PCDHGA6: variants seen among roughly 807,000 people sequenced by gnomAD.
PCDHGA6 encodes the protein protocadherin gamma subfamily A, 6.
Under a neutral mutation model 60.6 loss-of-function variants are expected in PCDHGA6, and 41 were observed. The ratio of observed to expected loss-of-function variants is 0.68; its 90% CI spans 0.53 to 0.88. The LOEUF (loss-of-function observed/expected upper bound fraction) is 0.88, where lower values mean the gene tolerates loss of function less well. Among genes scored for constraint, PCDHGA6 ranks in the 40% least tolerant of loss-of-function variants. The pLI is 0.00. For synonymous variants in PCDHGA6, 594 were observed against 524.4 expected, an observed-to-expected ratio of 1.13 and a Z score of -1.81; for missense variants, 1,312 against 1,203.0, an observed-to-expected ratio of 1.09 and a Z score of -1.34.
At chr5:141,410,698 C>G in intron 1 of PCDHGA6, 1 of 1,482,836 alleles carries the variant, frequency 6.7e-7, no homozygotes, top group Non-Finnish European at 9.0e-7. Context: ...ACTTTATTTT[C>G]ATATCTAGAA....
At chr5:141,392,791 G>C in intron 1 of PCDHGA6, 6 of 1,557,838 alleles carry the variant, frequency 3.9e-6, no homozygotes, top group Admixed American at 2.0e-5. Context: ...AAGATTCTGA[G>C]AGGATTCTGC....
rs925034052 is a variant in PCDHGA6, at chr5:141,486,630, T to G, written c.2425-8177T>G. 2 of 1,613,690 alleles carry G rather than the reference T, an allele frequency of 1.2e-6. No individual in the cohort carries two copies. Among genetic ancestry groups the G allele is most frequent in the Non-Finnish European group, 1.7e-6 (2 of 1,180,028 alleles). ...GCAGCCTCTGACCCAGACTCTGGCTTGAATGCGCTTATCTCCTACTCACTC... is the reference window on the plus strand; with the variant it reads ...GCAGCCTCTGACCCAGACTCTGGCTGGAATGCGCTTATCTCCTACTCACTC... On this transcript the variant is annotated intron_variant, in intron 1 of 3. Coordinates refer to ENST00000517434, the MANE Select transcript of PCDHGA6 (RefSeq NM_018919.3). This position sits in a 1 kb window ranked among gnomAD's most constrained non-coding sequence, Gnocchi z 5.0.
intron 1 of PCDHGA6, among the ~76,000 whole-genome samples, chr5:141,453,574 G>T (rs1285296493): frequency 6.6e-6 from 1 of 152,084 alleles, no homozygotes; most frequent in Non-Finnish European, 1.5e-5. Context: ...TCATTAGTTT[G>T]TGGTTTATCC....
chr5:141,485,380 G>A lies in PCDHGA6; in HGVS notation c.2425-9427G>A. The A allele has an allele frequency of 1.9e-6, 3 of 1,614,146 alleles. No individual in the cohort carries two copies. The highest frequency in any genetic ancestry group is 2.5e-6 in the Non-Finnish European group (3 of 1,180,032). On this transcript the variant is annotated intron_variant, in intron 1 of 3. Coordinates refer to ENST00000517434, the MANE Select transcript of PCDHGA6 (RefSeq NM_018919.3). This position sits in a 1 kb window ranked among gnomAD's most constrained non-coding sequence, Gnocchi z 5.7. ...CTCGCAGGCTGCAGGTCGCTGGAGA[G>A]GTGAACCAAAGACACTTCCGTGTGG... is the stretch of plus-strand genomic sequence containing the variant.
intron 1 of PCDHGA6, chr5:141,478,628 T>G (rs1245431927): frequency 6.4e-7 from 1 of 1,553,704 alleles, no homozygotes; most frequent in African/African-American, 1.4e-5. Context: ...GAGCTGTTTT[T>G]TTAGTGATGA....
intron 1 of PCDHGA6, chr5:141,420,969 A>G (rs2096536141): frequency 2.3e-6 from 1 of 443,064 alleles, no homozygotes; most frequent in Admixed American, 4.0e-5. Flanking sequence ...TTGCAATAAT[A>G]AGAATGGGCT....
At chr5:141,413,177 T>G (rs2095610843) in intron 1 of PCDHGA6, 4 of 1,602,350 alleles carry the variant, frequency 2.5e-6, no homozygotes, top group Non-Finnish European at 3.4e-6. Flanking sequence ...CAGACTACAA[T>G]GGCCGCTCAA....
chr5:141,403,083 T>C lies in PCDHGA6; in HGVS notation c.2424+26576T>C, dbSNP rs775664314. 7 of 1,613,932 alleles carry C rather than the reference T, an allele frequency of 4.3e-6. No individual in the cohort carries two copies. The highest frequency in any genetic ancestry group is 2.7e-5 in the African/African-American group (2 of 74,948). ...CCTGAAGAGACAGAAAAGGGCTATATTGTGGGCAACATCTCCAAGGACCTG... is the reference window on the plus strand; with the variant it reads ...CCTGAAGAGACAGAAAAGGGCTATACTGTGGGCAACATCTCCAAGGACCTG... On this transcript the variant is annotated intron_variant, in intron 1 of 3. Transcript: ENST00000517434.
In PCDHGA6 at chr5:141,489,126, T is replaced by C; in HGVS notation, c.2425-5681T>C. ...TGCAAGCAGGCAAACCTCCGAGCAG[T>C]TTTTAAGAGGCTGGAAGGAGACATA... On this transcript the variant is annotated intron_variant, in intron 1 of 3. Coordinates refer to ENST00000517434, the MANE Select transcript of PCDHGA6 (RefSeq NM_018919.3). This position sits in a 1 kb window ranked among gnomAD's most constrained non-coding sequence, Gnocchi z 4.5. 1.7e-6 allele frequency: 1 copy of C among 585,136 alleles called. No individual in the cohort carries two copies. Among genetic ancestry groups the C allele is most frequent in the South Asian group, 3.2e-5 (1 of 31,406 alleles). The allele number at this position is 585,136 out of a possible 1,614,324, so 36.2% of individuals were successfully genotyped here. A position where few individuals can be genotyped will look rare whatever the true frequency, so the allele number is the denominator to read the frequency against.
chr5:141,441,800 G>T, intron 1 of PCDHGA6: 1 of 382,594 alleles, frequency 2.6e-6, no homozygotes, highest in Non-Finnish European at 5.2e-6. Flanking sequence ...ACGCACCGCG[G>T]GTGCTGTACC....
At chr5:141,421,119 C>T (rs542039688) in intron 1 of PCDHGA6, 1 of 772,768 alleles carries the variant, frequency 1.3e-6, no homozygotes, top group Non-Finnish European at 2.0e-6. Flanking sequence ...TATTTTCCTT[C>T]GCTTTCTGAT....
intron 1 of PCDHGA6, chr5:141,428,251 T>C (rs761574102): frequency 1.1e-5 from 10 of 893,496 alleles, no homozygotes; most frequent in Middle Eastern, 2.1e-4. Flanking sequence ...ACTGCCAGAC[T>C]TCAGTGACAG....
chr5:141,456,633 C>CT (rs1229637837), intron 1 of PCDHGA6, among the ~76,000 whole-genome samples: 1 of 152,182 alleles, frequency 6.6e-6, no homozygotes, highest in Non-Finnish European at 1.5e-5. Context: ...CTCTTCTTTA[C>CT]TACAGGTGTT....
In PCDHGA6 at chr5:141,510,834, G is replaced by A. The variant is rs1043468083; in HGVS notation, c.2573-113G>A. 49 of 1,581,762 alleles carry A rather than the reference G, an allele frequency of 3.1e-5. 1 individual carries two copies. The highest frequency in any genetic ancestry group is 4.0e-5 in the Non-Finnish European group (46 of 1,161,670). On this transcript the variant is annotated intron_variant, in intron 3 of 3. Coordinates refer to ENST00000517434, the MANE Select transcript of PCDHGA6 (RefSeq NM_018919.3). ...GACCCCTATATTCCCAGTGCTCAGC[G>A]TGGTCAAGGCCCAGGGTGCTGTATA...
chr5:141,421,572 G>T, intron 1 of PCDHGA6: 1 of 1,613,954 alleles, frequency 6.2e-7, no homozygotes, highest in Admixed American at 1.7e-5. Flanking sequence ...AAGACACCTT[G>T]AAGATTTACG....
chr5:141,500,186 T>A (rs1008615587), intron 2 of PCDHGA6, among the ~76,000 whole-genome samples: 7 of 99,362 alleles, frequency 7.0e-5, no homozygotes, highest in African/African-American at 3.5e-4. Flanking sequence ...ATTTTTATTT[T>A]TATTTATTTA....
chr5:141,506,025 A>T (rs2099850088), intron 3 of PCDHGA6, among the ~76,000 whole-genome samples: 1 of 152,150 alleles, frequency 6.6e-6, no homozygotes, highest in African/African-American at 2.4e-5. Context: ...CCCTAACTCC[A>T]GAGTAGGATT....
At position 141,489,545 on chromosome 5, in the gene PCDHGA6, G is replaced by A. The variant is rs1396651116; in HGVS notation, c.2425-5262G>A. On this transcript the variant is annotated intron_variant, in intron 1 of 3. Transcript: ENST00000517434. The surrounding 1 kb of genome is among the most constrained non-coding windows in gnomAD (Gnocchi z 4.5). ...AGCCTATGTGGAGCCAGCACCAGCT[G>A]CCTGCTGCCAGTGCAGGTGGTGACT... 3 of 1,613,984 alleles carry A rather than the reference G, an allele frequency of 1.9e-6. No individual in the cohort carries two copies. The highest frequency in any genetic ancestry group is 2.5e-6 in the Non-Finnish European group (3 of 1,180,022).
At chr5:141,403,094 A>G in intron 1 of PCDHGA6, 1 of 1,614,064 alleles carries the variant, frequency 6.2e-7, no homozygotes, top group Non-Finnish European at 8.5e-7. Flanking sequence ...TGTGGGCAAC[A>G]TCTCCAAGGA....
Sources: allele counts gnomAD v4.1 joint callset (sites outside exome capture counted in the v4.1 genomes callset), GRCh38; gene constraint gnomAD v4.1.1; non-coding constraint Gnocchi (gnomAD v3.1); transcripts MANE v1.5; gene names NCBI Gene and HGNC (gene_info 2026-07-23, HGNC 2026-07-21).